Variants in GPC5 observed in about 807,000 individuals in gnomAD.
The protein encoded by GPC5 is glypican-5.
Under a neutral mutation model 53.9 loss-of-function variants are expected in GPC5, and 47 were observed. The ratio of observed to expected loss-of-function variants is 0.87; its 90% CI spans 0.69 to 1.11. GPC5 has a LOEUF of 1.11. GPC5 is among the 50% of genes most tolerant of loss of function. The pLI is 0.00. For missense variants in GPC5, 748 were observed against 713.1 expected (o/e 1.05, Z -0.56); for synonymous variants, 286 against 263.3 (o/e 1.09, Z -0.84).
intron 5 of GPC5, among the ~76,000 whole-genome samples, chr13:91,837,083 A>G (rs1482198061): frequency 6.7e-6 from 1 of 150,282 alleles, no homozygotes; most frequent in Non-Finnish European, 1.5e-5. Flanking sequence ...TTGAATTTAT[A>G]TTTAAATATA....
intron 7 of GPC5, among the ~76,000 whole-genome samples, chr13:92,496,762 A>G (rs1243361439): frequency 2.0e-5 from 3 of 152,142 alleles, no homozygotes; most frequent in Non-Finnish European, 2.9e-5. Flanking sequence ...TTCCCCTCTC[A>G]GTCATTTGTT....
At chr13:92,753,449 C>T (rs1408201395) in intron 7 of GPC5, among the ~76,000 whole-genome samples, 2 of 152,218 alleles carry the variant, frequency 1.3e-5, no homozygotes, top group Non-Finnish European at 2.9e-5. Flanking sequence ...GAATGCAGTT[C>T]CTCACCAGCA....
chr13:92,357,522 C>T lies in GPC5; in HGVS notation c.1561+212533C>T, dbSNP rs191287763. Among the ~76,000 whole-genome samples the T allele has an allele frequency of 7.1e-4, 108 of 151,702 alleles. 2 individuals are homozygous for T. Among genetic ancestry groups the T allele is most frequent in the Middle Eastern group, 3.4e-3 (1 of 294 alleles). On this transcript the variant is annotated intron_variant, in intron 7 of 7. Transcript: ENST00000377067. The stretch of plus-strand genomic sequence containing the variant: ...CACATATATGTCATCTTTTGAAAAG[C>T]GTGTGTTCATGTCCTTTGCACATTG...
chr13:92,193,089 T>G (rs1194826168), intron 7 of GPC5, among the ~76,000 whole-genome samples: 1 of 152,026 alleles, frequency 6.6e-6, no homozygotes, highest in East Asian at 1.9e-4. Flanking sequence ...GCAGGAGAAT[T>G]GCTTAAACCA....
chr13:91,972,662 G>T (rs940381939), intron 6 of GPC5, among the ~76,000 whole-genome samples: 8 of 152,094 alleles, frequency 5.3e-5, no homozygotes, highest in Non-Finnish European at 7.3e-5. Context: ...GGCAGGCCTG[G>T]TGGTGACAAA....
intron 7 of GPC5, among the ~76,000 whole-genome samples, chr13:92,707,021 G>A (rs1435103294): frequency 6.6e-6 from 1 of 152,116 alleles, no homozygotes; most frequent in African/African-American, 2.4e-5. Flanking sequence ...GCCATGAGAA[G>A]GACACGGCCA....
chr13:92,268,360 T>C (rs1223822201), intron 7 of GPC5, among the ~76,000 whole-genome samples: 2 of 133,106 alleles, frequency 1.5e-5, no homozygotes, highest in Non-Finnish European at 1.6e-5. Context: ...TTCTATACTT[T>C]TTTTTTCTCA....
intron 7 of GPC5, among the ~76,000 whole-genome samples, chr13:92,831,292 ACT>A (rs1878035099): frequency 6.6e-6 from 1 of 152,072 alleles, no homozygotes; most frequent in Non-Finnish European, 1.5e-5. Flanking sequence ...ATAAAACATG[ACT>A]CTTTTCATGC....
intron 7 of GPC5, among the ~76,000 whole-genome samples, chr13:92,779,543 G>A (rs1254398221): frequency 6.6e-6 from 1 of 152,078 alleles, no homozygotes; most frequent in Non-Finnish European, 1.5e-5. Flanking sequence ...TTTTAATACA[G>A]ATGGGGTCTT....
At chr13:91,911,543 A>AAAAT (rs1478990579) in intron 6 of GPC5, among the ~76,000 whole-genome samples, 1 of 152,138 alleles carries the variant, frequency 6.6e-6, no homozygotes, top group Non-Finnish European at 1.5e-5. Context: ...AGTCCATCTC[A>AAAAT]AAATAAATAA....
chr13:91,728,591 T>A lies in GPC5; in HGVS notation c.1080T>A (p.Phe360Leu). 1 of 1,613,442 alleles carries A rather than the reference T, an allele frequency of 6.2e-7. No homozygotes were observed. The highest frequency in any genetic ancestry group is 8.5e-7 in the Non-Finnish European group (1 of 1,179,536). ...CCACACAAAGCCCCCGTTGTTCTTT[T>A]GATCAGAGCAAAGAGAAGCATGGAA... ...RTPTQSPRCS[F>L]DQSKEKHGMK... is the part of the protein sequence containing the mutation. The change falls in exon 4 of 8, where the codon TTT (phenylalanine) becomes TTA (leucine). Residue 360 changes from phenylalanine to leucine, a missense_variant. Transcript: ENST00000377067.
chr13:92,661,757 T>C (rs960127352), intron 7 of GPC5, among the ~76,000 whole-genome samples: 1 of 152,208 alleles, frequency 6.6e-6, no homozygotes, highest in Non-Finnish European at 1.5e-5. Context: ...ATTTTTGGTA[T>C]TTATTGTCAA....
At chr13:92,663,901 T>C (rs1373529496) in intron 7 of GPC5, among the ~76,000 whole-genome samples, 422 of 35,238 alleles carry the variant, frequency 0.012, 14 homozygotes, top group Middle Eastern at 0.036. Context: ...TATATATATA[T>C]ATACACACAC....
chr13:92,252,777 A>T (rs1007160551), intron 7 of GPC5, among the ~76,000 whole-genome samples: 6 of 152,184 alleles, frequency 3.9e-5, no homozygotes, highest in Non-Finnish European at 7.3e-5. Flanking sequence ...GTAAAGGAAC[A>T]TTGCTGTTTA....
intron 2 of GPC5, among the ~76,000 whole-genome samples, chr13:91,488,168 T>C (rs966340041): frequency 2.0e-5 from 3 of 152,148 alleles, no homozygotes; most frequent in South Asian, 2.1e-4. Flanking sequence ...ATGGTCATGA[T>C]GATTTTCTCA....
At chr13:92,123,548 G>A (rs1320315514) in intron 6 of GPC5, among the ~76,000 whole-genome samples, 1 of 152,164 alleles carries the variant, frequency 6.6e-6, no homozygotes, top group African/African-American at 2.4e-5. Flanking sequence ...TTGCAAAAAT[G>A]TGGCAAAGTT....
chr13:91,733,115 A>G (rs1217999295), intron 4 of GPC5, among the ~76,000 whole-genome samples: 1 of 151,994 alleles, frequency 6.6e-6, no homozygotes, highest in Admixed American at 6.6e-5. Context: ...TTTGGGCAGT[A>G]TGGCCATTTT....
At chr13:92,265,891 A>C (rs1230833666) in intron 7 of GPC5, among the ~76,000 whole-genome samples, 1 of 152,218 alleles carries the variant, frequency 6.6e-6, no homozygotes, top group Non-Finnish European at 1.5e-5. Context: ...TCAAGGGGCC[A>C]GCACCTGGCA....
At chr13:91,650,749 A>ATTTTTTTTTTTTTTTTT (rs1594380934) in intron 2 of GPC5, among the ~76,000 whole-genome samples, 1 of 67,064 alleles carries the variant, frequency 1.5e-5, no homozygotes, top group Non-Finnish European at 2.4e-5. Flanking sequence ...AATTCCCATA[A>ATTTTTTTTTTTTTTTTT]GTTTTTTTTT....
Sources: allele counts gnomAD v4.1 joint callset (sites outside exome capture counted in the v4.1 genomes callset), GRCh38; gene constraint gnomAD v4.1.1; transcripts MANE v1.5; gene names NCBI Gene and HGNC (gene_info 2026-07-23, HGNC 2026-07-21).